OR13A1: variants seen among roughly 807,000 people sequenced by gnomAD.
OR13A1 encodes the protein olfactory receptor 13A1.
A neutral mutation model predicts 7.5 loss-of-function variants in OR13A1; 10 were observed. The ratio of observed to expected loss-of-function variants is 1.34; its 90% CI spans 0.83 to 2.27. The LOEUF (loss-of-function observed/expected upper bound fraction) is 2.27. Ranked by LOEUF, OR13A1 falls within the 30% of genes most tolerant of loss-of-function variation. The probability of loss-of-function intolerance (pLI) is 0.00; values close to 1 mark genes in which losing one functional copy is unlikely to be tolerated. For missense variants in OR13A1, 509 were observed against 419.1 expected (o/e 1.21, Z -1.87); for synonymous variants, 238 against 177.9 (o/e 1.34, Z -2.69).
chr10:45,303,393 TA>T lies in OR13A1; in HGVS notation c.*42del. On this transcript the variant is annotated 3_prime_UTR_variant, in exon 4 of 4. Coordinates refer to ENST00000553795, the MANE Select transcript of OR13A1 (RefSeq NM_001004297.3). ...CAGAAACTTGCTCATCAGACTCCAC[TA>T]AAACTGCAGTCTCCAAGGACAAAAA... The T allele has an allele frequency of 6.5e-7, 1 of 1,541,104 alleles. No individual in the cohort carries two copies. Among genetic ancestry groups the T allele is most frequent in the Non-Finnish European group, 8.7e-7 (1 of 1,144,970 alleles).
chr10:45,313,875 A>C (rs530056487), intron 1 of OR13A1, among the ~76,000 whole-genome samples: 12 of 152,304 alleles, frequency 7.9e-5, no homozygotes, highest in African/African-American at 2.9e-4. Flanking sequence ...AAAATCGATA[A>C]GGAAATACAG....
intron 3 of OR13A1, 85 bp from the exon 4 acceptor site, chr10:45,304,519 T>G (rs1043560992): frequency 2.6e-6 from 3 of 1,143,624 alleles, no homozygotes; most frequent in East Asian, 2.4e-5. Context: ...AAGATAGAGA[T>G]GCATTAGGGC....
At chr10:45,305,873 A>C (rs572273652) in intron 3 of OR13A1, among the ~76,000 whole-genome samples, 4 of 152,316 alleles carry the variant, frequency 2.6e-5, no homozygotes, top group African/African-American at 9.6e-5. Flanking sequence ...CTTCTATCCT[A>C]GTACACAATA....
At chr10:45,304,832 GT>G (rs1564533711) in intron 3 of OR13A1, among the ~76,000 whole-genome samples, 1 of 152,190 alleles carries the variant, frequency 6.6e-6, no homozygotes, top group African/African-American at 2.4e-5. Flanking sequence ...CATCCTGAAG[GT>G]GTCAGAGCAG....
intron 1 of OR13A1, among the ~76,000 whole-genome samples, chr10:45,312,570 A>T (rs1276434054): frequency 8.5e-6 from 1 of 116,968 alleles, no homozygotes; most frequent in African/African-American, 2.9e-5. Context: ...AGAAGATATG[A>T]ACAAAAAAAA....
intron 1 of OR13A1, among the ~76,000 whole-genome samples, chr10:45,309,057 G>A (rs142188888): frequency 1.3e-5 from 2 of 152,274 alleles, no homozygotes; most frequent in Non-Finnish European, 2.9e-5. Context: ...TCACAGAAAG[G>A]CCAATTCAGA....
chr10:45,308,128 G>A (rs1483543744), intron 1 of OR13A1, among the ~76,000 whole-genome samples: 1 of 152,164 alleles, frequency 6.6e-6, no homozygotes, highest in Non-Finnish European at 1.5e-5. Context: ...TATTGTATAT[G>A]AAGGTAGGCA....
intron 3 of OR13A1, among the ~76,000 whole-genome samples, chr10:45,304,876 C>G (rs1459217775): frequency 6.6e-6 from 1 of 152,144 alleles, no homozygotes; most frequent in Non-Finnish European, 1.5e-5. Flanking sequence ...TTAAAACAAT[C>G]TATACCCTTA....
intron 1 of OR13A1, among the ~76,000 whole-genome samples, chr10:45,308,558 A>G (rs1218165104): frequency 6.6e-6 from 1 of 152,222 alleles, no homozygotes; most frequent in African/African-American, 2.4e-5. Flanking sequence ...AAATGGTAAT[A>G]ACACATATTC....
In OR13A1 at chr10:45,304,027, G is replaced by A; in HGVS notation, c.396C>T (p.Leu132=). 1.2e-6 allele frequency: 2 copies of A among 1,613,234 alleles called. No individual in the cohort carries two copies. The highest frequency in any genetic ancestry group is 1.7e-6 in the Non-Finnish European group (2 of 1,179,396). ...LTWAASSELL[L]LTVMAYDRYA... ...ACCGGTCATAGGCCATGACCGTGAG[G>A]AGCAGCAGCTCTGAGGATGCAGCCC... The change falls in exon 4 of 4, where the codon CTC becomes CTT. Residue 132 remains leucine (L), a synonymous_variant. Transcript: ENST00000553795.
At position 45,304,002 on chromosome 10, in the gene OR13A1, A is replaced by C; in HGVS notation, c.421T>G (p.Tyr141Asp). The C allele has an allele frequency of 6.2e-7, 1 of 1,612,614 alleles. No homozygotes were observed. ...LLLTVMAYDRYAAICHPLHYS... is the reference protein window; with the variant it reads ...LLLTVMAYDRDAAICHPLHYS... The stretch of plus-strand genomic sequence containing the variant: ...TGCAGCGGGTGGCAGATGGCTGCGT[A>C]CCGGTCATAGGCCATGACCGTGAGG... Residue 141 changes from tyrosine (Y) to aspartate (D), a missense_variant, in exon 4 of 4, where the codon TAC becomes GAC. Tyr to Asp is a radical substitution (Grantham distance 160). Coordinates refer to ENST00000553795, the MANE Select transcript of OR13A1 (RefSeq NM_001004297.3).
chr10:45,313,476 A>G (rs1237180378), intron 1 of OR13A1, among the ~76,000 whole-genome samples: 15 of 152,156 alleles, frequency 9.9e-5, no homozygotes, highest in Non-Finnish European at 2.1e-4. Flanking sequence ...CTCCTGAATC[A>G]AAAGATATAG....
intron 1 of OR13A1, among the ~76,000 whole-genome samples, chr10:45,313,268 A>T (rs1470730069): frequency 6.6e-6 from 1 of 152,030 alleles, no homozygotes; most frequent in Non-Finnish European, 1.5e-5. Flanking sequence ...TGGTAACCAT[A>T]AAAAAATCTA....
Position 45,303,138 on chromosome 10 carries a change from T to C in OR13A1, c.*298A>G. The stretch of plus-strand genomic sequence containing the variant: ...AAAAGGAAAATGTTTGATGTGGCTA[T>C]GAGTTGAAAACACAAGGAACACTTT... On this transcript the variant is annotated 3_prime_UTR_variant, in exon 4 of 4. Coordinates refer to ENST00000553795, the MANE Select transcript of OR13A1 (RefSeq NM_001004297.3). The C allele has an allele frequency of 3.0e-6, 1 of 330,944 alleles. No homozygotes were observed. Among genetic ancestry groups the C allele is most frequent in the Non-Finnish European group, 5.5e-6 (1 of 181,996 alleles). 20.5% of individuals were successfully genotyped at this position (330,944 alleles called of 1,614,324 possible). A position where few individuals can be genotyped will look rare whatever the true frequency, so the allele number is the denominator to read the frequency against.
chr10:45,314,128 T>C (rs557018418), intron 1 of OR13A1, among the ~76,000 whole-genome samples: 1 of 151,896 alleles, frequency 6.6e-6, no homozygotes, highest in African/African-American at 2.4e-5. Flanking sequence ...CACAAATATG[T>C]GAAAATTAAA....
chr10:45,304,820 AG>A (rs1337101084), intron 3 of OR13A1, among the ~76,000 whole-genome samples: 1 of 152,256 alleles, frequency 6.6e-6, no homozygotes, highest in African/African-American at 2.4e-5. Context: ...AATAATAAAA[AG>A]CATCCTGAAG....
rs1408613140 is a variant in OR13A1 at position 45,304,238 on chromosome 10, A to G, written c.185T>C (p.Leu62Pro). Residue 62 changes from leucine (L) to proline (P), a missense_variant, in exon 4 of 4, where the codon CTC (leucine) becomes CCC (proline). By Grantham distance (98) the Leu-to-Pro change is moderately conservative (BLOSUM62 -3). Coordinates refer to ENST00000553795, the MANE Select transcript of OR13A1 (RefSeq NM_001004297.3). Reference sequence around the variant, plus strand: ...GTTGAACGTGATGGCCAAGGTGATGAGGACATTACCTGTGAGGGCCCCAGA... The same window carrying G: ...GTTGAACGTGATGGCCAAGGTGATGGGGACATTACCTGTGAGGGCCCCAGA... ...LYSGALTGNV[L>P]ITLAITFNPG... 2.5e-6 allele frequency: 4 copies of G among 1,613,968 alleles called. No individual in the cohort carries two copies. Among genetic ancestry groups the G allele is most frequent in the East Asian group, 2.2e-5 (1 of 44,896 alleles).
rs1175682810 is a variant in OR13A1, at chr10:45,307,520, A to G, written c.-107T>C. On this transcript the variant is annotated 5_prime_UTR_variant, in exon 3 of 4. The change abolishes an upstream ATG in the 5' untranslated region. Coordinates refer to ENST00000553795, the MANE Select transcript of OR13A1 (RefSeq NM_001004297.3). ...GAATCGGGGCTCCAATCCTCTTTCC[A>G]TGAGAATGACCACAAGATTTCTTTA... The G allele has an allele frequency of 1.3e-5, 2 of 152,208 alleles. No individual in the cohort carries two copies. Among genetic ancestry groups the G allele is most frequent in the Non-Finnish European group, 2.9e-5 (2 of 68,042 alleles). 9.4% of individuals were successfully genotyped at this position (152,208 alleles called of 1,614,324 possible).
chr10:45,306,743 G>A (rs1164194814), intron 3 of OR13A1, among the ~76,000 whole-genome samples: 1 of 152,162 alleles, frequency 6.6e-6, no homozygotes, highest in African/African-American at 2.4e-5. Context: ...GGCTATATTA[G>A]CGTGGGGTAT....
Sources: allele counts gnomAD v4.1 joint callset (sites outside exome capture counted in the v4.1 genomes callset), GRCh38; gene constraint gnomAD v4.1.1; transcripts MANE v1.5; gene names NCBI Gene and HGNC (gene_info 2026-07-23, HGNC 2026-07-21).